The following GPC6 variants were observed in gnomAD, a reference collection of about 807,000 sequenced individuals.
The protein encoded by GPC6 is glypican-6.
In GPC6, 14 loss-of-function variants were observed where a neutral mutation model predicts 55.2. That is an observed-to-expected ratio of 0.25 (90% CI 0.17 to 0.40). The LOEUF (loss-of-function observed/expected upper bound fraction) is 0.40. Ranked by LOEUF, GPC6 falls within the 10% of genes least tolerant of loss-of-function variation. The pLI, the probability that GPC6 is intolerant of heterozygous loss-of-function variation, is 1.00. For missense variants in GPC6, 641 were observed against 708.5 expected, an observed-to-expected ratio of 0.90 and a Z score of 1.08; for synonymous variants, 278 against 259.6, an observed-to-expected ratio of 1.07 and a Z score of -0.68.
At position 94,113,595 on chromosome 13, in the gene GPC6, A is replaced by C. The variant is rs77255601; in HGVS notation, c.877+85701A>C. 1.9e-3 allele frequency among the ~76,000 whole-genome samples: 282 copies of C among 152,282 alleles called. 2 individuals are homozygous for C. The highest frequency in any genetic ancestry group is 5.7e-3 in the African/African-American group (239 of 41,572). On this transcript the variant is annotated intron_variant, in intron 4 of 8. Transcript: ENST00000377047. ...GTTTACTATTACTTGAACAAACTGC[A>C]GCTTTAGCTAATGCATAAAATATGT...
At chr13:93,943,635 A>G (rs1480476511) in intron 3 of GPC6, among the ~76,000 whole-genome samples, 2 of 152,136 alleles carry the variant, frequency 1.3e-5, no homozygotes, top group Admixed American at 6.5e-5. Context: ...AAAAAATCCA[A>G]TGTAAAGATG....
intron 2 of GPC6, among the ~76,000 whole-genome samples, chr13:93,670,102 CT>C (rs1032214657): frequency 1.3e-5 from 2 of 152,160 alleles, no homozygotes; most frequent in Non-Finnish European, 2.9e-5. Flanking sequence ...GCAGTTAAGT[CT>C]TCCTTTGGGA....
intron 1 of GPC6, among the ~76,000 whole-genome samples, chr13:93,363,290 C>G (rs971178022): frequency 2.6e-5 from 4 of 151,262 alleles, no homozygotes; most frequent in Non-Finnish European, 5.9e-5. Flanking sequence ...CCTCCTCCCC[C>G]CACCCCACAA....
At chr13:94,192,644 T>C (rs1889436281) in intron 4 of GPC6, among the ~76,000 whole-genome samples, 1 of 152,220 alleles carries the variant, frequency 6.6e-6, no homozygotes, top group Non-Finnish European at 1.5e-5. Flanking sequence ...GTGATGTATG[T>C]ACACTTGTAT....
intron 2 of GPC6, among the ~76,000 whole-genome samples, chr13:93,713,766 C>T (rs1168706674): frequency 6.6e-6 from 1 of 151,624 alleles, no homozygotes. Flanking sequence ...GTAACTACAG[C>T]AGTTTATGAT....
intron 4 of GPC6, among the ~76,000 whole-genome samples, chr13:94,212,348 A>T (rs999761282): frequency 7.2e-5 from 11 of 152,194 alleles, no homozygotes; most frequent in African/African-American, 2.7e-4. Flanking sequence ...TCTTTGTTGA[A>T]CTGCTCACTG....
At chr13:93,792,619 T>C (rs1480504799) in intron 2 of GPC6, among the ~76,000 whole-genome samples, 3 of 152,162 alleles carry the variant, frequency 2.0e-5, no homozygotes, top group Non-Finnish European at 4.4e-5. Context: ...CCCAGGTCTA[T>C]AGGATTTTAA....
intron 3 of GPC6, among the ~76,000 whole-genome samples, chr13:93,980,286 C>G (rs1880737317): frequency 6.6e-6 from 1 of 152,024 alleles, no homozygotes. Flanking sequence ...TGAAAACCAC[C>G]CTTATACTAA....
Position 93,884,588 on chromosome 13 carries a change from CTA to C in GPC6, c.711+54046_711+54047del, listed in dbSNP as rs764332848. On this transcript the variant is annotated intron_variant, in intron 3 of 8. Transcript: ENST00000377047. ...ATTTATTTTTGTCCCAGAAACAAAA[CTA>C]TAATCTTACATAATATTTTTCAGTG... Among the ~76,000 whole-genome samples the C allele has an allele frequency of 3.9e-5, 6 of 152,174 alleles. No individual in the cohort carries two copies. In the South Asian group the frequency reaches 1.0e-3, roughly 26 times the overall value.
intron 1 of GPC6, among the ~76,000 whole-genome samples, chr13:93,378,508 T>G (rs1009666118): frequency 2.0e-5 from 3 of 152,202 alleles, no homozygotes; most frequent in African/African-American, 7.2e-5. Context: ...CTAAGGCACT[T>G]TGTACATGGT....
intron 3 of GPC6, among the ~76,000 whole-genome samples, chr13:93,999,843 T>A (rs906551696): frequency 2.0e-5 from 3 of 152,216 alleles, no homozygotes; most frequent in African/African-American, 7.2e-5. Flanking sequence ...TCCTGGGGTC[T>A]GAGAAAATAA....
intron 2 of GPC6, among the ~76,000 whole-genome samples, chr13:93,668,335 A>C (rs1386745531): frequency 6.6e-6 from 1 of 152,212 alleles, no homozygotes; most frequent in Non-Finnish European, 1.5e-5. Context: ...AAACTTCCTG[A>C]AGCATGATGA....
intron 1 of GPC6, among the ~76,000 whole-genome samples, chr13:93,355,813 G>C (rs1474531284): frequency 6.6e-6 from 1 of 152,068 alleles, no homozygotes; most frequent in African/African-American, 2.4e-5. Context: ...TGCACGTTAT[G>C]GGGGAAGGGA....
intron 5 of GPC6, among the ~76,000 whole-genome samples, chr13:94,303,121 C>G (rs1044624824): frequency 2.0e-5 from 3 of 152,138 alleles, no homozygotes; most frequent in Non-Finnish European, 1.5e-5. Flanking sequence ...CAGCTCCAGC[C>G]GTAACAAACA....
At chr13:94,277,740 T>C (rs960613716) in intron 4 of GPC6, among the ~76,000 whole-genome samples, 8 of 152,214 alleles carry the variant, frequency 5.3e-5, no homozygotes, top group Non-Finnish European at 7.3e-5. Context: ...CAGATGGTTG[T>C]AGATGTGTGG....
At chr13:93,497,028 C>T (rs999779414) in intron 1 of GPC6, among the ~76,000 whole-genome samples, 8 of 152,116 alleles carry the variant, frequency 5.3e-5, no homozygotes, top group Non-Finnish European at 1.5e-5. Flanking sequence ...TGCGTTAATC[C>T]GAGGAAGGTT....
chr13:93,243,108 A>G (rs1876489710), intron 1 of GPC6, among the ~76,000 whole-genome samples: 1 of 152,162 alleles, frequency 6.6e-6, no homozygotes, highest in Non-Finnish European at 1.5e-5. Flanking sequence ...ACTTGGGCTC[A>G]TGGTGGCAAA....
chr13:93,822,947 T>A (rs1186224621), intron 2 of GPC6, among the ~76,000 whole-genome samples: 2 of 151,706 alleles, frequency 1.3e-5, no homozygotes, highest in Admixed American at 6.6e-5. Flanking sequence ...GCCTGCAACC[T>A]CTGCCTCCTG....
chr13:94,162,694 G>A (rs115046073), intron 4 of GPC6, among the ~76,000 whole-genome samples: 1,746 of 152,160 alleles, frequency 0.011, 41 homozygotes, highest in African/African-American at 0.04. Flanking sequence ...TAAGAATTTA[G>A]GAATTTGGGT....
Sources: gnomAD v4.1 joint callset for allele counts (sites outside exome capture counted in the v4.1 genomes callset) on GRCh38, gnomAD v4.1.1 for gene constraint, MANE v1.5 for transcripts, NCBI Gene and HGNC (gene_info 2026-07-23, HGNC 2026-07-21) for gene names.